Variants in CGNL1 observed in about 807,000 individuals in gnomAD.
The protein encoded by CGNL1 is cingulin-like protein 1.
A neutral mutation model predicts 141.2 loss-of-function variants in CGNL1; 132 were observed. The observed-to-expected ratio is 0.93, with a 90% CI of 0.81 to 1.08. The LOEUF is 1.08. Ranked by LOEUF, CGNL1 falls within the 50% of genes least tolerant of loss-of-function variation. The pLI, the probability that CGNL1 is intolerant of heterozygous loss-of-function variation, is 0.00. For synonymous variants in CGNL1, 690 were observed against 622.1 expected (o/e 1.11, Z -1.63); for missense variants, 1,870 against 1,588.6 (o/e 1.18, Z -3.01).
intron 8 of CGNL1, among the ~76,000 whole-genome samples, chr15:57,479,573 A>G (rs2063699797): frequency 6.6e-6 from 1 of 152,196 alleles, no homozygotes; most frequent in Admixed American, 6.5e-5. Flanking sequence ...CTGAGGCAGG[A>G]GAATCGCTTA....
chr15:57,521,827 AGAG>A (rs1330577194), intron 10 of CGNL1, among the ~76,000 whole-genome samples: 6 of 152,050 alleles, frequency 3.9e-5, no homozygotes, highest in African/African-American at 7.2e-5. Context: ...TTGGGGTCTA[AGAG>A]GAGGAGAAAG....
At chr15:57,379,597 C>T (rs1167020533) in intron 1 of CGNL1, among the ~76,000 whole-genome samples, 2 of 152,086 alleles carry the variant, frequency 1.3e-5, no homozygotes, top group East Asian at 3.9e-4. Context: ...TTAAAAATAT[C>T]CAACTGATTT....
chr15:57,531,656 G>T (rs375647728), intron 13 of CGNL1, 34 bp from the exon 14 acceptor site: 2 of 1,439,658 alleles, frequency 1.4e-6, no homozygotes, highest in African/African-American at 2.8e-5. Context: ...GTCAGTGCAA[G>T]TTAAGTCAAC....
chr15:57,411,889 C>G (rs1017646336), intron 1 of CGNL1, among the ~76,000 whole-genome samples: 4 of 152,152 alleles, frequency 2.6e-5, no homozygotes, highest in African/African-American at 9.7e-5. Flanking sequence ...CCACCCCTTT[C>G]CTAGTCCTGG....
At chr15:57,524,826 G>A in intron 12 of CGNL1, 75 bp downstream of exon 12, 4 of 1,438,882 alleles carry the variant, frequency 2.8e-6, no homozygotes, top group Non-Finnish European at 3.8e-6. Context: ...CTTCTGTGAG[G>A]GACTTGGGGG....
intron 14 of CGNL1, among the ~76,000 whole-genome samples, chr15:57,537,774 A>C (rs182945886): frequency 1.4e-4 from 21 of 152,360 alleles, no homozygotes; most frequent in African/African-American, 5.1e-4. Context: ...TTTCTGATCA[A>C]AATGCTCAGG....
chr15:57,408,697 C>A (rs920176145), intron 1 of CGNL1, among the ~76,000 whole-genome samples: 1 of 152,048 alleles, frequency 6.6e-6, no homozygotes, highest in African/African-American at 2.4e-5. Context: ...TGTCAATGAG[C>A]ATAGGGGTTC....
At chr15:57,440,589 G>A in intron 3 of CGNL1, 118 bp downstream of exon 3, 1 of 779,106 alleles carries the variant, frequency 1.3e-6, no homozygotes, top group Non-Finnish European at 2.1e-6. Flanking sequence ...GCCGTTGGAG[G>A]GTTAAAACTC....
chr15:57,538,471 T>A (rs28416157), intron 14 of CGNL1, among the ~76,000 whole-genome samples: 10 of 152,342 alleles, frequency 6.6e-5, no homozygotes, highest in Admixed American at 1.3e-4. Context: ...AATTCCTTTT[T>A]TTGCCCCCCT....
chr15:57,469,541 A>G (rs1429939989), intron 8 of CGNL1, among the ~76,000 whole-genome samples: 3 of 152,090 alleles, frequency 2.0e-5, no homozygotes, highest in African/African-American at 7.2e-5. Flanking sequence ...TTAACAGTCT[A>G]TTGGGGGAGT....
rs551030158 is a variant in CGNL1 at position 57,398,903 on chromosome 15, A to G, written c.-16+22336A>G. On this transcript the variant is annotated intron_variant, in intron 1 of 18. Transcript: ENST00000281282. Reference sequence around the variant, plus strand: ...TTGTTGTTTAACCATGAATATTTTGAAAAAATTTATTATTTTGAAAATCCA... The same window carrying G: ...TTGTTGTTTAACCATGAATATTTTGGAAAAATTTATTATTTTGAAAATCCA... 2.0e-5 allele frequency among the ~76,000 whole-genome samples: 3 copies of G among 152,310 alleles called. No individual in the cohort carries two copies. The East Asian group carries it at 5.8e-4, about 29-fold the overall frequency.
intron 1 of CGNL1, among the ~76,000 whole-genome samples, chr15:57,379,254 A>G (rs1214723723): frequency 2.9e-4 from 44 of 152,208 alleles, no homozygotes; most frequent in Non-Finnish European, 1.5e-5. Flanking sequence ...CCCCCCCAAA[A>G]AGAAAAGTTT....
chr15:57,494,598 T>C (rs1567152410), intron 8 of CGNL1, among the ~76,000 whole-genome samples: 1 of 152,204 alleles, frequency 6.6e-6, no homozygotes. Flanking sequence ...ATCGGCCCAA[T>C]CCCATGAACT....
intron 8 of CGNL1, among the ~76,000 whole-genome samples, chr15:57,506,728 T>C (rs1410853012): frequency 6.6e-6 from 1 of 152,228 alleles, no homozygotes; most frequent in East Asian, 1.9e-4. Flanking sequence ...GTGTGACTGT[T>C]GTCTACCCAA....
intron 1 of CGNL1, among the ~76,000 whole-genome samples, chr15:57,422,817 G>C (rs145658758): frequency 1.9e-3 from 292 of 152,312 alleles, no homozygotes; most frequent in African/African-American, 6.6e-3. Flanking sequence ...TGTAAGAAAA[G>C]TGGTGATGGA....
chr15:57,519,729 G>A (rs1199616235), intron 10 of CGNL1, among the ~76,000 whole-genome samples: 1 of 152,168 alleles, frequency 6.6e-6, no homozygotes, highest in Non-Finnish European at 1.5e-5. Context: ...CTGGCTGCCA[G>A]AGTGTGGGGT....
chr15:57,520,811 A>T (rs2031202352), intron 10 of CGNL1, among the ~76,000 whole-genome samples: 2 of 152,296 alleles, frequency 1.3e-5, no homozygotes, highest in South Asian at 4.2e-4. Context: ...GCCCACAGAC[A>T]CTGAGTGGCA....
intron 1 of CGNL1, among the ~76,000 whole-genome samples, chr15:57,377,469 C>A (rs2062377485): frequency 6.6e-6 from 1 of 152,150 alleles, no homozygotes; most frequent in South Asian, 2.1e-4. Flanking sequence ...AATGTGCAGG[C>A]AAGTTTGAAA....
rs1227320565 is a variant in CGNL1 at position 57,439,067 on chromosome 15, A to C, written c.1068A>C (p.Leu356Phe). The change falls in exon 2 of 19, where the codon TTA (leucine) becomes TTC (phenylalanine). Residue 356 changes from leucine (L) to phenylalanine (F), a missense_variant. By Grantham distance (22) the Leu-to-Phe change is conservative (BLOSUM62 0). Transcript: ENST00000281282. Reference sequence around the variant, plus strand: ...GATCAATTCCTGGTGTGGATCAGTTAATTGAAAAATTTGATCAAAAACCTG... The same window carrying C: ...GATCAATTCCTGGTGTGGATCAGTTCATTGAAAAATTTGATCAAAAACCTG... Reference protein sequence around the residue: ...DTGSIPGVDQLIEKFDQKPGL... With the variant: ...DTGSIPGVDQFIEKFDQKPGL... 6.2e-7 allele frequency: 1 copy of C among 1,613,970 alleles called. No homozygotes were observed. Among genetic ancestry groups the C allele is most frequent in the South Asian group, 1.1e-5 (1 of 91,062 alleles).
Sources: allele counts gnomAD v4.1 joint callset (sites outside exome capture counted in the v4.1 genomes callset), GRCh38; gene constraint gnomAD v4.1.1; transcripts MANE v1.5; gene names NCBI Gene and HGNC (gene_info 2026-07-23, HGNC 2026-07-21).